The following NR4A3 variants were observed in gnomAD, a reference collection of about 807,000 sequenced individuals.
The protein encoded by NR4A3 is chondrosarcoma, extraskeletal myxoid, fused to EWS.
NR4A3 carries 13 observed loss-of-function variants against 55.6 expected under a neutral mutation model. The ratio of observed to expected loss-of-function variants is 0.23; its 90% confidence interval spans 0.15 to 0.37. The LOEUF is 0.37. NR4A3 is among the 10% of genes least tolerant of loss of function. NR4A3 has a pLI of 1.00. For missense variants in NR4A3, 646 were observed against 822.8 expected (o/e 0.79, Z 2.63); for synonymous variants, 342 against 357.9 (o/e 0.96, Z 0.50).
chr9:99,823,892 T>C (rs1181755919), intron 1 of NR4A3, among the ~76,000 whole-genome samples: 2 of 151,398 alleles, frequency 1.3e-5, no homozygotes, highest in Non-Finnish European at 2.9e-5. Context: ...CCGCCCAACC[T>C]CCGCCCCCGC....
intron 3 of NR4A3, among the ~76,000 whole-genome samples, chr9:99,831,731 A>C (rs1827447243): frequency 6.6e-6 from 1 of 152,234 alleles, no homozygotes; most frequent in Admixed American, 6.5e-5. Context: ...AGTGGTAAAA[A>C]TACGTTCATT....
chr9:99,829,001 C>T lies in NR4A3; in HGVS notation c.951+8C>T, dbSNP rs1827383331. 2 of 1,338,062 alleles carry T rather than the reference C, an allele frequency of 1.5e-6. No individual in the cohort carries two copies. The highest frequency in any genetic ancestry group is 1.9e-6 in the Non-Finnish European group (2 of 1,042,728). The allele number at this position is 1,338,062 out of a possible 1,614,324, so 82.9% of individuals were successfully genotyped here. ...TGCAAGGGCTTTTTCAAGGTGAGCG[C>T]ACGCCGCCCCCTCCCCTCCGCACCC... On this transcript the variant is annotated splice_region_variant and intron_variant, in intron 3 of 7. Coordinates refer to ENST00000395097, the MANE Select transcript of NR4A3 (RefSeq NM_006981.4).
At position 99,828,555 on chromosome 9, in the gene NR4A3, G is replaced by A; in HGVS notation, c.513G>A (p.Pro171=). The A allele has an allele frequency of 1.3e-6, 2 of 1,504,948 alleles. No homozygotes were observed. Among genetic ancestry groups the A allele is most frequent in the Non-Finnish European group, 1.8e-6 (2 of 1,132,206 alleles). 93.2% of individuals were successfully genotyped at this position (1,504,948 alleles called of 1,614,324 possible). ...CGCCCGGCTGCATCGCACCCGGCCC[G>A]CTGCTGGACCCGCCGATGAAGGCGG... ...PSAPGCIAPG[P]LLDPPMKAVP... Residue 171 remains proline (P), a synonymous_variant, in exon 3 of 8, where the codon CCG becomes CCA. Transcript: ENST00000395097. This position sits in a 1 kb window ranked among gnomAD's most constrained non-coding sequence, Gnocchi z 7.7.
At position 99,864,096 on chromosome 9, in the gene NR4A3, A is replaced by G; in HGVS notation, c.*229A>G. On this transcript the variant is annotated 3_prime_UTR_variant, in exon 8 of 8. Transcript: ENST00000395097. The stretch of plus-strand genomic sequence containing the variant: ...GTGTTTTATATTTAGGCATTGGGGG[A>G]TGGGGTGGGAGGGGGTTATAGTTCA... The G allele has an allele frequency of 6.6e-6, 2 of 301,908 alleles. No individual in the cohort carries two copies. The highest frequency in any genetic ancestry group is 4.9e-5 in the Admixed American group (1 of 20,604). The allele number at this position is 301,908 out of a possible 1,614,324, so 18.7% of individuals were successfully genotyped here. A position where few individuals can be genotyped will look rare whatever the true frequency, so the allele number is the denominator to read the frequency against.
At chr9:99,863,478 C>G in intron 7 of NR4A3, 142 bp from the exon 8 acceptor site, 1 of 925,194 alleles carries the variant, frequency 1.1e-6, no homozygotes, top group Non-Finnish European at 1.6e-6. Flanking sequence ...AGGCCATGAG[C>G]TATCTCTAAC....
At chr9:99,862,549 C>CAAAAAAAAAAAAAAAAAAAAAA (rs59274273) in intron 7 of NR4A3, among the ~76,000 whole-genome samples, 64 of 72,802 alleles carry the variant, frequency 8.8e-4, no homozygotes, top group African/African-American at 1.2e-3. Context: ...GACTCTGTCT[C>CAAAAAAAAAAAAAAAAAAAAAA]AAAAAAAAAA....
At chr9:99,859,007 T>C (rs1178462440) in intron 7 of NR4A3, among the ~76,000 whole-genome samples, 1 of 152,194 alleles carries the variant, frequency 6.6e-6, no homozygotes, top group Non-Finnish European at 1.5e-5. Context: ...CCCTTTCCAA[T>C]CTATATATAC....
At chr9:99,827,891 T>A in intron 2 of NR4A3, 150 bp from the exon 3 acceptor site, 1 of 1,011,140 alleles carries the variant, frequency 9.9e-7, no homozygotes, top group Non-Finnish European at 1.4e-6. Flanking sequence ...AAAATAAGTG[T>A]GGGGCTTTGT....
intron 1 of NR4A3, among the ~76,000 whole-genome samples, chr9:99,824,475 G>A (rs554414322): frequency 2.2e-4 from 33 of 152,332 alleles, no homozygotes; most frequent in African/African-American, 7.9e-4. Flanking sequence ...GCGCTACATC[G>A]AGCGCAAGCT....
chr9:99,827,186 T>C (rs1229578859), intron 2 of NR4A3, among the ~76,000 whole-genome samples: 2 of 152,168 alleles, frequency 1.3e-5, no homozygotes, highest in African/African-American at 4.8e-5. Context: ...AACTTGCCTA[T>C]TATGATAGTT....
rs538379255 is a variant in NR4A3 at position 99,822,745 on chromosome 9, T to TCGGCGGCGG, written c.-177+352_-177+360dup. 5.9e-5 allele frequency among the ~76,000 whole-genome samples: 9 copies of TCGGCGGCGG among 151,966 alleles called. No individual in the cohort carries two copies. Among genetic ancestry groups the TCGGCGGCGG allele is most frequent in the Non-Finnish European group, 1.2e-4 (8 of 67,974 alleles). Reference sequence around the variant, plus strand: ...TCTAGTTGTCATGGTAATGATGCTCTCGGCGGCGGCGGCGGCGGCGGCAGC... The same window carrying TCGGCGGCGG: ...TCTAGTTGTCATGGTAATGATGCTCTCGGCGGCGGCGGCGGCGGCGGCGGCGGCGGCAGC... On this transcript the variant is annotated intron_variant, in intron 1 of 7. Transcript: ENST00000395097. This position sits in a 1 kb window ranked among gnomAD's most constrained non-coding sequence, Gnocchi z 4.9.
chr9:99,848,714 CTCTT>C (rs1338326719), intron 7 of NR4A3, among the ~76,000 whole-genome samples: 1 of 152,244 alleles, frequency 6.6e-6, no homozygotes, highest in African/African-American at 2.4e-5. Context: ...ATAGATCTCT[CTCTT>C]TCTATCTTTT....
At chr9:99,834,724 T>A (rs1253756414) in intron 5 of NR4A3, 40 of 858,154 alleles carry the variant, frequency 4.7e-5, no homozygotes, top group Non-Finnish European at 5.6e-5. Flanking sequence ...ATGATTAGTG[T>A]ACCTGCTGTG....
In NR4A3 at chr9:99,828,144, C is replaced by G. The variant is rs757632409; in HGVS notation, c.102C>G (p.Asp34Glu). 3 of 1,614,104 alleles carry G rather than the reference C, an allele frequency of 1.9e-6. No individual in the cohort carries two copies. The highest frequency in any genetic ancestry group is 2.5e-6 in the Non-Finnish European group (3 of 1,180,004). ...ACACCACGGAGATCATGAACCCCGACTACACCAAGCTGACCATGGACCTTG... is the reference window on the plus strand; with the variant it reads ...ACACCACGGAGATCATGAACCCCGAGTACACCAAGCTGACCATGGACCTTG... ...SEYTTEIMNPDYTKLTMDLGS... is the reference protein window; with the variant it reads ...SEYTTEIMNPEYTKLTMDLGS... The change falls in exon 3 of 8, where the codon GAC (aspartate) becomes GAG (glutamate). Residue 34 changes from aspartate to glutamate, a missense_variant. Physicochemically the swap from Asp to Glu is conservative, Grantham distance 45 (BLOSUM62 2). Coordinates refer to ENST00000395097, the MANE Select transcript of NR4A3 (RefSeq NM_006981.4). This position sits in a 1 kb window ranked among gnomAD's most constrained non-coding sequence, Gnocchi z 7.7.
At position 99,837,582 on chromosome 9, in the gene NR4A3, GT is replaced by G. The variant is rs201582739; in HGVS notation, c.1254+4137del. ...ATAATAGTAATATATATCCATTGGG[GT>G]TTTTTTTTAAAGGCAACCATTTACA... On this transcript the variant is annotated intron_variant, in intron 5 of 7. Coordinates refer to ENST00000395097, the MANE Select transcript of NR4A3 (RefSeq NM_006981.4). Among the ~76,000 whole-genome samples the G allele has an allele frequency of 3.9e-4, 58 of 150,328 alleles. 2 individuals are homozygous for G. In the East Asian group the frequency reaches 9.9e-3, roughly 26 times the overall value.
In NR4A3 at chr9:99,866,879, T is replaced by G. The variant is rs1828109585; in HGVS notation, c.*3012T>G. 1 of 190,184 alleles carries G rather than the reference T, an allele frequency of 5.3e-6. No individual in the cohort carries two copies. Among genetic ancestry groups the G allele is most frequent in the Non-Finnish European group, 1.1e-5 (1 of 90,376 alleles). The allele number at this position is 190,184 out of a possible 1,614,324, so 11.8% of individuals were successfully genotyped here. A position where few individuals can be genotyped will look rare whatever the true frequency, so the allele number is the denominator to read the frequency against. ...TGTAAATTTAAATGATTAAATTACA[T>G]TTTATCAATGGCTACTGGTGTATTG... On this transcript the variant is annotated 3_prime_UTR_variant, in exon 8 of 8. Coordinates refer to ENST00000395097, the MANE Select transcript of NR4A3 (RefSeq NM_006981.4).
chr9:99,855,260 G>C (rs1019897941), intron 7 of NR4A3, among the ~76,000 whole-genome samples: 1 of 152,078 alleles, frequency 6.6e-6, no homozygotes, highest in African/African-American at 2.4e-5. Context: ...TTAAGGACAG[G>C]GAGAGTCTTA....
rs71370972 is a variant in NR4A3, at chr9:99,857,755, CAAAT to C, written c.1634-5826_1634-5823del. ...GGCGACAGAGCAAGACTCTGTCTCA[CAAAT>C]AAATAAATAAATAAATAAATAAATA... is the stretch of plus-strand genomic sequence containing the variant. On this transcript the variant is annotated intron_variant, in intron 7 of 7. Coordinates refer to ENST00000395097, the MANE Select transcript of NR4A3 (RefSeq NM_006981.4). Among the ~76,000 whole-genome samples, 1,001 of 141,348 alleles carry C rather than the reference CAAAT, an allele frequency of 7.1e-3. 2 individuals carry two copies. The highest frequency in any genetic ancestry group is 9.6e-3 in the South Asian group (41 of 4,274). The allele number at this position is 141,348 out of a possible 152,430, so 92.7% of individuals were successfully genotyped here. A position where few individuals can be genotyped will look rare whatever the true frequency, so the allele number is the denominator to read the frequency against.
In NR4A3 at chr9:99,866,612, C is replaced by G. The variant is rs1828102039; in HGVS notation, c.*2745C>G. 1 of 228,098 alleles carries G rather than the reference C, an allele frequency of 4.4e-6. No individual in the cohort carries two copies. The highest frequency in any genetic ancestry group is 2.2e-5 in the African/African-American group (1 of 45,022). 14.1% of individuals were successfully genotyped at this position (228,098 alleles called of 1,614,324 possible). A position where few individuals can be genotyped will look rare whatever the true frequency, so the allele number is the denominator to read the frequency against. On this transcript the variant is annotated 3_prime_UTR_variant, in exon 8 of 8. Coordinates refer to ENST00000395097, the MANE Select transcript of NR4A3 (RefSeq NM_006981.4). ...AGTTTATACAGAGTGGATGACCACA[C>G]TAGCACAGAAGAGAACAACATGTAT... is the stretch of plus-strand genomic sequence containing the variant.
Sources: gnomAD v4.1 joint callset for allele counts (sites outside exome capture counted in the v4.1 genomes callset) on GRCh38, gnomAD v4.1.1 for gene constraint, Gnocchi (gnomAD v3.1) non-coding constraint, MANE v1.5 for transcripts, NCBI Gene and HGNC (gene_info 2026-07-23, HGNC 2026-07-21) for gene names.